ABHD17B: variants seen among roughly 807,000 people sequenced by gnomAD.
ABHD17B encodes abhydrolase domain containing 17B, depalmitoylase, also known as alpha/beta hydrolase domain-containing protein 17B.
Under a neutral mutation model 26.2 loss-of-function variants are expected in ABHD17B, and 9 were observed. The observed-to-expected ratio is 0.34, with a 90% CI of 0.21 to 0.60. ABHD17B has a LOEUF of 0.60. Among genes scored for constraint, ABHD17B ranks in the 20% least tolerant of loss-of-function variants. The probability of loss-of-function intolerance (pLI) is 0.80; values close to 1 mark genes in which losing one functional copy is unlikely to be tolerated. For missense variants in ABHD17B, 224 were observed against 352.1 expected, an observed-to-expected ratio of 0.64 and a Z score of 2.91; for synonymous variants, 127 against 122.3, an observed-to-expected ratio of 1.04 and a Z score of -0.25.
chr9:71,874,820 T>C lies in ABHD17B; in HGVS notation c.261A>G (p.Ser87=), dbSNP rs758473584. Residue 87 remains serine (S), a synonymous_variant, in exon 2 of 4, where the codon TCA becomes TCG. Coordinates refer to ENST00000333421, the MANE Select transcript of ABHD17B (RefSeq NM_001025780.3). ...NRIACMFVRC[S]PNAKYTLLFS... ...AGAGTAAAGTGTATTTCGCATTGGG[T>C]GAACAACGTACAAACATACAAGCAA... The C allele has an allele frequency of 2.5e-6, 4 of 1,614,202 alleles. No individual in the cohort carries two copies. The highest frequency in any genetic ancestry group is 2.5e-6 in the Non-Finnish European group (3 of 1,180,028).
rs1825923095 is a variant in ABHD17B, at chr9:71,865,309, CCA to C, written c.*1476_*1477del. ...AACTACATAAGGCCTTAAAATATAT[CCA>C]CAGTGTGTATTATTTCCATATTCAT... On this transcript the variant is annotated 3_prime_UTR_variant, in exon 4 of 4. Coordinates refer to ENST00000333421, the MANE Select transcript of ABHD17B (RefSeq NM_001025780.3). 5.1e-6 allele frequency: 5 copies of C among 985,302 alleles called. No individual in the cohort carries two copies. In the African/African-American group the frequency reaches 5.2e-5, roughly 10 times the overall value. 61.0% of individuals were successfully genotyped at this position (985,302 alleles called of 1,614,324 possible). A position where few individuals can be genotyped will look rare whatever the true frequency, so the allele number is the denominator to read the frequency against.
intron 1 of ABHD17B, among the ~76,000 whole-genome samples, chr9:71,907,607 G>A (rs1827323897): frequency 6.6e-6 from 1 of 152,176 alleles, no homozygotes; most frequent in South Asian, 2.1e-4. Context: ...TGCCTCCTGG[G>A]TTCAAGCGAT....
At chr9:71,908,255 G>A (rs773663471) in intron 1 of ABHD17B, among the ~76,000 whole-genome samples, 45 of 152,170 alleles carry the variant, frequency 3.0e-4, no homozygotes, top group Non-Finnish European at 4.7e-4. Flanking sequence ...AGCCGGGAGT[G>A]GTGGCGGGTG....
chr9:71,865,073 T>C, downstream of ABHD17B: 2 of 815,508 alleles, frequency 2.5e-6, no homozygotes, highest in Non-Finnish European at 3.0e-6. Context: ...AACTATGTCC[T>C]ATAAAAACGA....
intron 3 of ABHD17B, 51 bp downstream of exon 3, chr9:71,870,032 A>C (rs1373786329): frequency 6.6e-7 from 1 of 1,518,270 alleles, no homozygotes; most frequent in East Asian, 2.3e-5. Flanking sequence ...TAAATGATGA[A>C]AAAATTCCCA....
At position 71,866,958 on chromosome 9, in the gene ABHD17B, C is replaced by A; in HGVS notation, c.696G>T (p.Gly232=). The A allele has an allele frequency of 6.2e-7, 1 of 1,614,028 alleles. No individual in the cohort carries two copies. The highest frequency in any genetic ancestry group is 1.7e-5 in the Admixed American group (1 of 60,006). ...KITSPVLIIH[G]TEDEVIDFSH... ...AAAAGTCAATGACTTCATCTTCAGT[C>A]CCATGAATTATTAATACTGGAGAGG... Residue 232 remains glycine (G), a synonymous_variant, in exon 4 of 4, where the codon GGG becomes GGT. Coordinates refer to ENST00000333421, the MANE Select transcript of ABHD17B (RefSeq NM_001025780.3).
intron 2 of ABHD17B, among the ~76,000 whole-genome samples, chr9:71,872,536 C>T (rs1524378): frequency 0.99 from 151,479 of 152,296 alleles, 75,343 homozygotes; most frequent in Middle Eastern, 1. Flanking sequence ...GACCCTTTTG[C>T]GTTACTGGGA....
At chr9:71,888,048 C>A (rs1215581666) in intron 1 of ABHD17B, among the ~76,000 whole-genome samples, 4 of 152,312 alleles carry the variant, frequency 2.6e-5, no homozygotes, top group Middle Eastern at 3.4e-3. Flanking sequence ...GTAAAAAACA[C>A]TTGTGACTAT....
chr9:71,909,312 C>T (rs760236874), intron 1 of ABHD17B, among the ~76,000 whole-genome samples: 1 of 152,184 alleles, frequency 6.6e-6, no homozygotes, highest in Non-Finnish European at 1.5e-5. Context: ...AATTACTGCA[C>T]AACAGAGATT....
At chr9:71,882,885 C>T (rs946109966) in intron 1 of ABHD17B, among the ~76,000 whole-genome samples, 12 of 152,006 alleles carry the variant, frequency 7.9e-5, no homozygotes, top group Non-Finnish European at 1.6e-4. Flanking sequence ...GTGGTTCACA[C>T]CAGTAATCCC....
Position 71,870,134 on chromosome 9 carries a change from C to G in ABHD17B, c.596G>C (p.Arg199Pro). 6.2e-7 allele frequency: 1 copy of G among 1,613,816 alleles called. No individual in the cohort carries two copies. ...ILHSPLTSGMRVAFPDTKKTY... is the reference protein window; with the variant it reads ...ILHSPLTSGMPVAFPDTKKTY... ...CTTCTTGGTATCAGGAAAGGCAACTCGCATTCCCGAAGTCAGAGGAGAATG... is the reference window on the plus strand; with the variant it reads ...CTTCTTGGTATCAGGAAAGGCAACTGGCATTCCCGAAGTCAGAGGAGAATG... The change falls in exon 3 of 4, where the codon CGA (arginine) becomes CCA (proline). Residue 199 changes from arginine (R) to proline (P), a missense_variant. Physicochemically the swap from Arg to Pro is moderately radical, Grantham distance 103. Transcript: ENST00000333421.
At chr9:71,889,695 C>A (rs1826722895) in intron 1 of ABHD17B, among the ~76,000 whole-genome samples, 1 of 152,052 alleles carries the variant, frequency 6.6e-6, no homozygotes, top group South Asian at 2.1e-4. Context: ...TCAAAAATAA[C>A]TAAATGCCCC....
intron 1 of ABHD17B, among the ~76,000 whole-genome samples, chr9:71,907,673 G>A (rs1406042784): frequency 1.3e-5 from 2 of 152,022 alleles, no homozygotes; most frequent in South Asian, 2.1e-4. Flanking sequence ...CACCACACCC[G>A]GCTAATTTTG....
intron 1 of ABHD17B, among the ~76,000 whole-genome samples, chr9:71,883,805 C>T (rs749942802): frequency 3.9e-5 from 6 of 151,940 alleles, no homozygotes; most frequent in Admixed American, 1.3e-4. Flanking sequence ...GGCATGGTGG[C>T]GCGTGCCTGT....
chr9:71,898,691 G>A (rs1369777768), intron 1 of ABHD17B, among the ~76,000 whole-genome samples: 1 of 151,902 alleles, frequency 6.6e-6, no homozygotes, highest in Non-Finnish European at 1.5e-5. Context: ...GTTTAGACAT[G>A]TGAGAAATTT....
intron 3 of ABHD17B, among the ~76,000 whole-genome samples, chr9:71,867,927 C>T (rs62561052): frequency 6.6e-6 from 1 of 152,002 alleles, no homozygotes; most frequent in Non-Finnish European, 1.5e-5. Context: ...CTTCTTTGGG[C>T]CAGGTGCGGT....
rs972834255 is a variant in ABHD17B at position 71,874,710 on chromosome 9, G to A, written c.371C>T (p.Ser124Leu). 3 of 1,614,112 alleles carry A rather than the reference G, an allele frequency of 1.9e-6. No homozygotes were observed. The highest frequency in any genetic ancestry group is 2.5e-6 in the Non-Finnish European group (3 of 1,179,996). ...GGCACCATATCCAGAATAATCATATGAGAATATATTACAATTAATCCGTGA... is the reference window on the plus strand; with the variant it reads ...GGCACCATATCCAGAATAATCATATAAGAATATATTACAATTAATCCGTGA... ...LGSRINCNIF[S>L]YDYSGYGASS... is the part of the protein sequence containing the mutation. The change falls in exon 2 of 4, where the codon TCA becomes TTA. Residue 124 changes from serine (S) to leucine (L), a missense_variant. Physicochemically the swap from Ser to Leu is moderately radical, Grantham distance 145. Transcript: ENST00000333421.
In ABHD17B at chr9:71,871,879, C is replaced by T. The variant is rs962567370; in HGVS notation, c.468-1617G>A. Among the ~76,000 whole-genome samples the T allele has an allele frequency of 2.0e-5, 3 of 152,158 alleles. No homozygotes were observed. In the South Asian group the frequency reaches 6.2e-4, roughly 32 times the overall value. ...TGTGGGAAAGGTGCATAGTGAATGC[C>T]AGGCCCCGAGTTTCTTTTGGTCCAT... On this transcript the variant is annotated intron_variant, in intron 2 of 3. Coordinates refer to ENST00000333421, the MANE Select transcript of ABHD17B (RefSeq NM_001025780.3).
At position 71,874,771 on chromosome 9, in the gene ABHD17B, G is replaced by C. The variant is rs1281392714; in HGVS notation, c.310C>G (p.Leu104Val). 1 of 1,614,166 alleles carries C rather than the reference G, an allele frequency of 6.2e-7. No individual in the cohort carries two copies. Among genetic ancestry groups the C allele is most frequent in the African/African-American group, 1.3e-5 (1 of 75,046 alleles). Residue 104 changes from leucine (L) to valine (V), a missense_variant, in exon 2 of 4, where the codon CTT becomes GTT. Transcript: ENST00000333421. ...ATGTAAAAGCTGCTCATTTGACCAAGATCAACAGCATTTCCATGTGAGAAG... is the reference window on the plus strand; with the variant it reads ...ATGTAAAAGCTGCTCATTTGACCAACATCAACAGCATTTCCATGTGAGAAG... Reference protein sequence around the residue: ...LLFSHGNAVDLGQMSSFYIGL... With the variant: ...LLFSHGNAVDVGQMSSFYIGL...
Sources: gnomAD v4.1 joint callset for allele counts (sites outside exome capture counted in the v4.1 genomes callset) on GRCh38, gnomAD v4.1.1 for gene constraint, MANE v1.5 for transcripts, NCBI Gene and HGNC (gene_info 2026-07-23, HGNC 2026-07-21) for gene names.